Variants in LPAR6 observed in about 807,000 individuals in gnomAD.
LPAR6 encodes lysophosphatidic acid receptor 6.
A neutral mutation model predicts 22.0 loss-of-function variants in LPAR6; 17 were observed. The ratio of observed to expected loss-of-function variants is 0.77; its 90% CI spans 0.53 to 1.16. LPAR6 has a LOEUF of 1.16. Ranked by LOEUF, LPAR6 falls within the 50% of genes most tolerant of loss-of-function variation. The pLI is 0.00. For synonymous variants in LPAR6, 136 were observed against 139.8 expected, an observed-to-expected ratio of 0.97 and a Z score of 0.19; for missense variants, 384 against 406.9, an observed-to-expected ratio of 0.94 and a Z score of 0.48.
At chr13:48,428,695 T>C (rs934991938), upstream of LPAR6, among the ~76,000 whole-genome samples, 1 of 152,250 alleles carries the variant, frequency 6.6e-6, no homozygotes, top group Non-Finnish European at 1.5e-5. Context: ...TAAAATCGTA[T>C]GATGACCATC....
chr13:48,414,297 A>G (rs908431957), upstream of LPAR6, among the ~76,000 whole-genome samples: 7 of 151,948 alleles, frequency 4.6e-5, no homozygotes, highest in African/African-American at 1.7e-4. Flanking sequence ...CAGTGAACCA[A>G]GATCAAGCCA....
intron 1 of LPAR6, among the ~76,000 whole-genome samples, chr13:48,423,463 CAT>C (rs1208714712): frequency 6.6e-6 from 1 of 152,092 alleles, no homozygotes; most frequent in Non-Finnish European, 1.5e-5. Flanking sequence ...GCACAAGAAA[CAT>C]GTATAAGATT....
rs1948808736 is a variant in LPAR6 at position 48,411,776 on chromosome 13, T to C, written c.648A>G (p.Thr216=). ...TTTTGTTTATTTTGCTTCTACTTAATGTAACAGGTTTGGTTAAAGTTTTTA... is the reference window on the plus strand; with the variant it reads ...TTTTGTTTATTTTGCTTCTACTTAACGTAACAGGTTTGGTTAAAGTTTTTA... The part of the protein sequence containing the change: ...MVLKTLTKPV[T]LSRSKINKTK... The change falls in exon 1 of 1, where the codon ACA becomes ACG. Residue 216 remains threonine (T), a synonymous_variant. Coordinates refer to ENST00000620633, the MANE Select transcript of LPAR6 (RefSeq NM_001162498.3). The C allele has an allele frequency of 6.2e-7, 1 of 1,611,590 alleles. No individual in the cohort carries two copies. Among genetic ancestry groups the C allele is most frequent in the Non-Finnish European group, 8.5e-7 (1 of 1,177,974 alleles).
Position 48,412,236 on chromosome 13 carries a change from T to A in LPAR6, c.188A>T (p.Asp63Val), listed in dbSNP as rs879255262. 2 of 1,614,048 alleles carry A rather than the reference T, an allele frequency of 1.2e-6. No homozygotes were observed. The highest frequency in any genetic ancestry group is 2.2e-5 in the South Asian group (2 of 91,076). Residue 63 changes from aspartate to valine, a missense_variant, in exon 1 of 1, where the codon GAC becomes GTC. Asp to Val is a radical substitution (Grantham distance 152, BLOSUM62 -3). Transcript: ENST00000620633. ...GGGTAAAGTAAAAACAAAAAGCAAGTCTGACATTGCCAAGTTAATCATGTA... is the reference window on the plus strand; with the variant it reads ...GGGTAAAGTAAAAACAAAAAGCAAGACTGACATTGCCAAGTTAATCATGTA... ...TTYMINLAMS[D>V]LLFVFTLPFR...
chr13:48,426,987 A>T (rs1278919818), upstream of LPAR6: 1 of 152,726 alleles, frequency 6.5e-6, no homozygotes, highest in Non-Finnish European at 1.5e-5. Context: ...AATAGGAGCA[A>T]GAGGAAGGAG....
At chr13:48,407,110 G>A (rs185463770), downstream of LPAR6, among the ~76,000 whole-genome samples, 10 of 152,240 alleles carry the variant, frequency 6.6e-5, no homozygotes, top group Non-Finnish European at 1.5e-5. Flanking sequence ...TTACCCCATG[G>A]CTATTAACTG....
At chr13:48,398,233 TA>T (rs141604364) in intron 1 of LPAR6, among the ~76,000 whole-genome samples, 6 of 152,118 alleles carry the variant, frequency 3.9e-5, no homozygotes, top group African/African-American at 1.4e-4. Flanking sequence ...ATTTTAATTT[TA>T]AAAAATTCAA....
upstream of LPAR6, among the ~76,000 whole-genome samples, chr13:48,431,611 CAT>C (rs1949130340): frequency 3.9e-5 from 6 of 152,226 alleles, no homozygotes; most frequent in South Asian, 1.2e-3. Context: ...ACTGTTTTCA[CAT>C]GTTTGGAAAA....
chr13:48,421,278 G>A (rs891391913), intron 2 of LPAR6, among the ~76,000 whole-genome samples: 7 of 150,004 alleles, frequency 4.7e-5, no homozygotes, highest in African/African-American at 1.5e-4. Context: ...AAAGGATTCC[G>A]TTTAATAAAT....
At chr13:48,432,427 G>GT (rs199873207) in intron 1 of LPAR6, among the ~76,000 whole-genome samples, 3,469 of 136,508 alleles carry the variant, frequency 0.025, 96 homozygotes, top group East Asian at 0.12. Flanking sequence ...TTGTTTTTTT[G>GT]TTTTTTTTTT....
intron 2 of LPAR6, among the ~76,000 whole-genome samples, chr13:48,422,261 A>C (rs1197245165): frequency 6.6e-6 from 1 of 152,150 alleles, no homozygotes; most frequent in Non-Finnish European, 1.5e-5. Context: ...GCAAACTAAC[A>C]CAGGAACAGA....
At chr13:48,392,259 T>C (rs890454374) in intron 1 of LPAR6, among the ~76,000 whole-genome samples, 5 of 151,900 alleles carry the variant, frequency 3.3e-5, no homozygotes, top group Non-Finnish European at 7.4e-5. Flanking sequence ...TAAAGGCACA[T>C]GCCACCATGC....
At chr13:48,397,924 G>T (rs1025912353) in intron 1 of LPAR6, among the ~76,000 whole-genome samples, 1 of 152,258 alleles carries the variant, frequency 6.6e-6, no homozygotes, top group Non-Finnish European at 1.5e-5. Context: ...AACCTTTGGT[G>T]TACTTTGCAG....
At chr13:48,402,229 G>A (rs1038953170) in intron 1 of LPAR6, among the ~76,000 whole-genome samples, 1 of 151,914 alleles carries the variant, frequency 6.6e-6, no homozygotes, top group African/African-American at 2.4e-5. Context: ...CTTTAATAGT[G>A]TACACTTTTA....
intron 1 of LPAR6, among the ~76,000 whole-genome samples, chr13:48,423,161 A>C (rs985751781): frequency 2.6e-5 from 4 of 152,176 alleles, no homozygotes; most frequent in African/African-American, 9.7e-5. Flanking sequence ...AAAAGAATGA[A>C]ATATAGTGAA....
intron 1 of LPAR6, among the ~76,000 whole-genome samples, chr13:48,424,553 A>G (rs1949052618): frequency 6.6e-6 from 1 of 152,202 alleles, no homozygotes. Context: ...TTAAAACTTG[A>G]ATAAGCATAT....
intron 1 of LPAR6, among the ~76,000 whole-genome samples, chr13:48,393,575 G>A (rs566797968): frequency 6.6e-6 from 1 of 152,294 alleles, no homozygotes; most frequent in South Asian, 2.1e-4. Context: ...AGAGCTGGCA[G>A]GGTTACTAAA....
At chr13:48,424,378 T>C (rs1949050188) in intron 1 of LPAR6, among the ~76,000 whole-genome samples, 1 of 152,170 alleles carries the variant, frequency 6.6e-6, no homozygotes, top group Admixed American at 6.5e-5. Flanking sequence ...TTCAAAGAGT[T>C]GAACCAACTT....
At chr13:48,406,916 G>A (rs1948745270), downstream of LPAR6, among the ~76,000 whole-genome samples, 1 of 149,368 alleles carries the variant, frequency 6.7e-6, no homozygotes, top group African/African-American at 2.6e-5. Context: ...CAAACAAACA[G>A]GGTTCTTACC....
Sources: allele counts gnomAD v4.1 joint callset (sites outside exome capture counted in the v4.1 genomes callset), GRCh38; gene constraint gnomAD v4.1.1; transcripts MANE v1.5; gene names NCBI Gene and HGNC (gene_info 2026-07-23, HGNC 2026-07-21).